ELAVL1: variants seen among roughly 807,000 people sequenced by gnomAD.
The protein encoded by ELAVL1 is ELAV like RNA binding protein 1, also known as ELAV-like protein 1.
ELAVL1 carries 1 observed loss-of-function variant against 28.4 expected under a neutral mutation model. The ratio of observed to expected loss-of-function variants is 0.04; its 90% CI spans 0.01 to 0.17. The LOEUF (loss-of-function observed/expected upper bound fraction) is 0.17. Ranked by LOEUF, ELAVL1 falls within the 10% of genes least tolerant of loss-of-function variation. The pLI is 1.00. For missense variants in ELAVL1, 157 were observed against 447.2 expected (o/e 0.35, Z 5.85); for synonymous variants, 174 against 183.5 (o/e 0.95, Z 0.42).
At chr19:8,004,413 G>C (rs934442429) in intron 1 of ELAVL1, among the ~76,000 whole-genome samples, 1 of 152,162 alleles carries the variant, frequency 6.6e-6, no homozygotes, top group East Asian at 1.9e-4. Flanking sequence ...GTGCGTGTGA[G>C]AGTGGAAGAG....
At chr19:7,993,385 G>T (rs747772572) in intron 1 of ELAVL1, among the ~76,000 whole-genome samples, 1 of 152,180 alleles carries the variant, frequency 6.6e-6, no homozygotes, top group Non-Finnish European at 1.5e-5. Context: ...CTGCTGAGGG[G>T]GCAGGTAGGC....
chr19:7,968,584 A>T (rs1985019550), intron 4 of ELAVL1, among the ~76,000 whole-genome samples: 1 of 152,248 alleles, frequency 6.6e-6, no homozygotes, highest in South Asian at 2.1e-4. Context: ...CCAGCAGCCA[A>T]GCCCAGAGGG....
At chr19:8,002,164 G>C (rs1345834571) in intron 1 of ELAVL1, 4 of 1,268,274 alleles carry the variant, frequency 3.2e-6, no homozygotes, top group Non-Finnish European at 3.1e-6. Flanking sequence ...TTGAACACAC[G>C]ATGTTCTCTG....
At position 7,962,160 on chromosome 19, in the gene ELAVL1, C is replaced by T. The variant is rs919149560; in HGVS notation, c.*1323G>A. The T allele has an allele frequency of 3.3e-5, 5 of 153,724 alleles. No individual in the cohort carries two copies. Among genetic ancestry groups the T allele is most frequent in the African/African-American group, 1.2e-4 (5 of 41,434 alleles). The allele number at this position is 153,724 out of a possible 1,614,324, so 9.5% of individuals were successfully genotyped here. ...CGTCACAGATTCAGAAATGCTTTTG[C>T]TTGAGGCAAGGATTGGTTTCTTAAG... On this transcript the variant is annotated 3_prime_UTR_variant, in exon 6 of 6. Transcript: ENST00000407627.
intron 1 of ELAVL1, among the ~76,000 whole-genome samples, chr19:8,005,080 T>C (rs533048049): frequency 6.6e-6 from 1 of 152,034 alleles, no homozygotes; most frequent in Non-Finnish European, 1.5e-5. Flanking sequence ...CACAAAAGAA[T>C]CTGTGGGATT....
At chr19:7,964,361 A>T (rs1010640270) in intron 5 of ELAVL1, among the ~76,000 whole-genome samples, 1 of 152,116 alleles carries the variant, frequency 6.6e-6, no homozygotes, top group African/African-American at 2.4e-5. Context: ...CCCAAGCACC[A>T]GGCAACCAAC....
intron 2 of ELAVL1, among the ~76,000 whole-genome samples, chr19:7,984,448 G>C (rs1254832291): frequency 6.6e-6 from 1 of 152,236 alleles, no homozygotes; most frequent in Non-Finnish European, 1.5e-5. Flanking sequence ...GACAATGCCA[G>C]TGTATTCCCA....
intron 2 of ELAVL1, among the ~76,000 whole-genome samples, chr19:7,987,920 G>A (rs912103077): frequency 1.3e-5 from 2 of 152,206 alleles, no homozygotes; most frequent in South Asian, 4.1e-4. Flanking sequence ...AACACGACCA[G>A]GACCTGAACG....
intron 1 of ELAVL1, among the ~76,000 whole-genome samples, chr19:8,002,535 C>T (rs1260118485): frequency 6.6e-6 from 1 of 152,228 alleles, no homozygotes. Context: ...CAGCTCGGGT[C>T]GGCCGCACCG....
intron 3 of ELAVL1, among the ~76,000 whole-genome samples, chr19:7,978,016 GCCT>G (rs983346147): frequency 1.3e-5 from 2 of 152,220 alleles, no homozygotes; most frequent in African/African-American, 4.8e-5. Flanking sequence ...TCTTGAGGGA[GCCT>G]CCTCTGGCAC....
chr19:8,001,021 C>A (rs748487120), intron 1 of ELAVL1, among the ~76,000 whole-genome samples: 5 of 152,266 alleles, frequency 3.3e-5, no homozygotes, highest in Non-Finnish European at 4.4e-5. Flanking sequence ...CCGAGCTGGG[C>A]ACTAAGTCTC....
intron 4 of ELAVL1, among the ~76,000 whole-genome samples, chr19:7,970,935 C>T (rs747615264): frequency 5.3e-5 from 8 of 152,222 alleles, no homozygotes; most frequent in Non-Finnish European, 1.0e-4. Context: ...GCCACACACA[C>T]TCTGTCTCCA....
chr19:7,972,048 C>T (rs1257317590), intron 4 of ELAVL1, among the ~76,000 whole-genome samples: 3 of 152,222 alleles, frequency 2.0e-5, no homozygotes, highest in Non-Finnish European at 4.4e-5. Context: ...CCCAACTACT[C>T]GGTGTTATTT....
intron 4 of ELAVL1, 190 bp downstream of exon 4, chr19:7,973,535 C>CA: frequency 1.4e-6 from 1 of 716,454 alleles, no homozygotes; most frequent in Non-Finnish European, 2.2e-6. Context: ...CAGATATCCC[C>CA]AGCTTCTTTT....
Position 7,979,923 on chromosome 19 carries a change from A to G in ELAVL1, c.276+1160T>C, listed in dbSNP as rs577501904. ...GAACCCCTCTTGGTGGGCAGGCAAA[A>G]ATCCAGGCTCCCAGGCCCACCCTGC... On this transcript the variant is annotated intron_variant, in intron 3 of 5. Coordinates refer to ENST00000407627, the MANE Select transcript of ELAVL1 (RefSeq NM_001419.3). The surrounding 1 kb of genome is among the most constrained non-coding windows in gnomAD (Gnocchi z 5.4). Among the ~76,000 whole-genome samples, 40 of 152,174 alleles carry G rather than the reference A, an allele frequency of 2.6e-4. No homozygotes were observed. The South Asian group carries it at 7.7e-3, about 29-fold the overall frequency.
chr19:8,005,067 G>A lies in ELAVL1; in HGVS notation c.-17+428C>T, dbSNP rs547392520. 3.9e-5 allele frequency among the ~76,000 whole-genome samples: 6 copies of A among 152,146 alleles called. No individual in the cohort carries two copies. In the East Asian group the frequency reaches 5.8e-4, roughly 15 times the overall value. ...GCACCGGCCGCGGTGCTCTGACAAC[G>A]ACCACAAAAGAATCTGTGGGATTTC... On this transcript the variant is annotated intron_variant, in intron 1 of 5. Transcript: ENST00000407627.
At chr19:7,991,606 C>T (rs1355774667) in intron 2 of ELAVL1, 38 bp downstream of exon 2, 23 of 1,586,944 alleles carry the variant, frequency 1.4e-5, no homozygotes, top group Non-Finnish European at 2.0e-5. Flanking sequence ...AGGATGGCCA[C>T]CAATACCCGG....
At chr19:7,970,733 T>C (rs546564854) in intron 4 of ELAVL1, among the ~76,000 whole-genome samples, 5 of 151,608 alleles carry the variant, frequency 3.3e-5, no homozygotes, top group Admixed American at 3.3e-4. Flanking sequence ...TTTTTTCTCT[T>C]TTTTTAAAAA....
chr19:8,002,505 G>A (rs769496833), intron 1 of ELAVL1, among the ~76,000 whole-genome samples: 54 of 152,210 alleles, frequency 3.5e-4, no homozygotes, highest in Non-Finnish European at 5.6e-4. Context: ...GCTGGCTTCC[G>A]TTGGTCTTCC....
Sources: gnomAD v4.1 joint callset for allele counts (sites outside exome capture counted in the v4.1 genomes callset) on GRCh38, gnomAD v4.1.1 for gene constraint, Gnocchi (gnomAD v3.1) non-coding constraint, MANE v1.5 for transcripts, NCBI Gene and HGNC (gene_info 2026-07-23, HGNC 2026-07-21) for gene names.